C8orf34: variants seen among roughly 807,000 people sequenced by gnomAD.
C8orf34 encodes the protein uncharacterized protein C8orf34.
A neutral mutation model predicts 68.3 loss-of-function variants in C8orf34; 65 were observed. The observed-to-expected ratio is 0.95, with a 90% CI of 0.78 to 1.17. The LOEUF (loss-of-function observed/expected upper bound fraction) is 1.17. Among genes scored for constraint, C8orf34 ranks in the 50% most tolerant of loss-of-function variants. The pLI, the probability that C8orf34 is intolerant of heterozygous loss-of-function variation, is 0.00. For synonymous variants in C8orf34, 244 were observed against 241.2 expected (o/e 1.01, Z -0.11); for missense variants, 664 against 655.4 (o/e 1.01, Z -0.14).
At chr8:68,449,514 G>C (rs1474521052) in intron 3 of C8orf34, among the ~76,000 whole-genome samples, 1 of 151,948 alleles carries the variant, frequency 6.6e-6, no homozygotes, top group Non-Finnish European at 1.5e-5. Context: ...GGCATAACTT[G>C]GAGATATTGT....
chr8:68,660,700 A>G (rs1233465057), intron 8 of C8orf34, among the ~76,000 whole-genome samples: 1 of 152,082 alleles, frequency 6.6e-6, no homozygotes, highest in Non-Finnish European at 1.5e-5. Context: ...TGTGTTTGGG[A>G]CAAAAATGTG....
intron 3 of C8orf34, among the ~76,000 whole-genome samples, chr8:68,459,494 G>A (rs545929365): frequency 6.6e-6 from 1 of 152,246 alleles, no homozygotes; most frequent in African/African-American, 2.4e-5. Context: ...GCCTCCCAAA[G>A]TGTTGGGATT....
At chr8:68,750,658 CAG>C (rs1228595831) in intron 10 of C8orf34, among the ~76,000 whole-genome samples, 1 of 152,076 alleles carries the variant, frequency 6.6e-6, no homozygotes, top group Admixed American at 6.6e-5. Context: ...GATCCGCAAA[CAG>C]AAAGTCTAAA....
intron 11 of C8orf34, among the ~76,000 whole-genome samples, chr8:68,779,411 G>A (rs1398171358): frequency 6.6e-6 from 1 of 152,176 alleles, no homozygotes; most frequent in Non-Finnish European, 1.5e-5. Flanking sequence ...AACACCCTTA[G>A]GAAGTTAGTT....
chr8:68,617,325 A>T (rs367878348), intron 7 of C8orf34, among the ~76,000 whole-genome samples: 1 of 152,182 alleles, frequency 6.6e-6, no homozygotes, highest in South Asian at 2.1e-4. Flanking sequence ...TGATCATGTC[A>T]TTATGATGTT....
At chr8:68,435,253 G>A (rs576162254) in intron 1 of C8orf34, among the ~76,000 whole-genome samples, 24 of 151,092 alleles carry the variant, frequency 1.6e-4, no homozygotes, top group African/African-American at 5.8e-4. Flanking sequence ...AAAAATATTG[G>A]CTAAGACTTT....
chr8:68,775,542 TG>T (rs1289515187), intron 10 of C8orf34, among the ~76,000 whole-genome samples: 1 of 152,182 alleles, frequency 6.6e-6, no homozygotes, highest in Non-Finnish European at 1.5e-5. Context: ...AAGACACAGA[TG>T]ACGGAGAATT....
At chr8:68,540,189 G>T (rs1815647069) in intron 7 of C8orf34, among the ~76,000 whole-genome samples, 1 of 151,412 alleles carries the variant, frequency 6.6e-6, no homozygotes, top group Non-Finnish European at 1.5e-5. Flanking sequence ...AGAACAAAAT[G>T]GAAAAAATAT....
intron 7 of C8orf34, among the ~76,000 whole-genome samples, chr8:68,571,321 C>A (rs1003484771): frequency 2.0e-5 from 3 of 152,120 alleles, no homozygotes; most frequent in Non-Finnish European, 4.4e-5. Context: ...TTAATTTGTT[C>A]ATAAGTAAAT....
At chr8:68,750,504 T>C (rs1457281080) in intron 10 of C8orf34, among the ~76,000 whole-genome samples, 1 of 151,952 alleles carries the variant, frequency 6.6e-6, no homozygotes, top group East Asian at 1.9e-4. Flanking sequence ...TCTTTTGGGG[T>C]GATGAAAAAT....
intron 10 of C8orf34, among the ~76,000 whole-genome samples, chr8:68,741,296 C>T (rs1183913777): frequency 2.6e-5 from 4 of 151,996 alleles, no homozygotes; most frequent in East Asian, 3.8e-4. Flanking sequence ...TAAAAATAAA[C>T]AATTTTATTT....
intron 8 of C8orf34, among the ~76,000 whole-genome samples, chr8:68,672,186 T>C (rs995007341): frequency 3.4e-5 from 5 of 145,384 alleles, no homozygotes; most frequent in African/African-American, 1.3e-4. Flanking sequence ...GGGAAGGATT[T>C]AGGGTTTAAG....
At chr8:68,387,266 A>T (rs934332483) in intron 1 of C8orf34, among the ~76,000 whole-genome samples, 1 of 152,076 alleles carries the variant, frequency 6.6e-6, no homozygotes, top group Non-Finnish European at 1.5e-5. Flanking sequence ...AGTGCATGTC[A>T]AATTGCCACT....
chr8:68,799,687 G>A (rs373386283), intron 12 of C8orf34, among the ~76,000 whole-genome samples: 14 of 152,190 alleles, frequency 9.2e-5, no homozygotes, highest in African/African-American at 3.4e-4. Flanking sequence ...ACCATATGTT[G>A]GGCTTTCTTG....
chr8:68,784,727 G>T (rs1252037408), intron 11 of C8orf34, among the ~76,000 whole-genome samples: 1 of 151,910 alleles, frequency 6.6e-6, no homozygotes, highest in Admixed American at 6.6e-5. Context: ...AATTGTTCTA[G>T]CTTTGGCTAA....
intron 10 of C8orf34, among the ~76,000 whole-genome samples, chr8:68,766,189 C>T (rs930970705): frequency 1.3e-5 from 2 of 152,138 alleles, no homozygotes; most frequent in South Asian, 4.1e-4. Flanking sequence ...ACATGAGAGA[C>T]GTAAAGTCCT....
At chr8:68,775,836 G>A (rs539677720) in intron 10 of C8orf34, among the ~76,000 whole-genome samples, 31 of 152,148 alleles carry the variant, frequency 2.0e-4, no homozygotes, top group Middle Eastern at 3.4e-3. Context: ...AGATCTATAC[G>A]AGATCATGTC....
At chr8:68,414,497 A>G (rs896202543) in intron 1 of C8orf34, among the ~76,000 whole-genome samples, 1 of 152,230 alleles carries the variant, frequency 6.6e-6, no homozygotes, top group Non-Finnish European at 1.5e-5. Context: ...CAGGTAATAT[A>G]CATCTATAAA....
chr8:68,584,955 T>G (rs748876454), intron 7 of C8orf34, among the ~76,000 whole-genome samples: 6 of 152,134 alleles, frequency 3.9e-5, no homozygotes, highest in Admixed American at 3.9e-4. Flanking sequence ...GGAAATGTAG[T>G]GATATGACTA....
Sources: gnomAD v4.1 joint callset for allele counts (sites outside exome capture counted in the v4.1 genomes callset) on GRCh38, gnomAD v4.1.1 for gene constraint, MANE v1.5 for transcripts, NCBI Gene and HGNC (gene_info 2026-07-23, HGNC 2026-07-21) for gene names.